The following ZNF730 variants were observed in gnomAD, a reference collection of about 807,000 sequenced individuals.
ZNF730 encodes putative zinc finger protein 730.
A neutral mutation model predicts 12.6 loss-of-function variants in ZNF730; 12 were observed. The observed-to-expected ratio is 0.95, with a 90% CI of 0.61 to 1.54. ZNF730 has a LOEUF of 1.54. ZNF730 is among the 40% of genes most tolerant of loss of function. The pLI, the probability that ZNF730 is intolerant of heterozygous loss-of-function variation, is 0.00. For synonymous variants in ZNF730, 194 were observed against 195.8 expected (o/e 0.99, Z 0.08); for missense variants, 643 against 583.5 (o/e 1.10, Z -1.05).
intron 1 of ZNF730, among the ~76,000 whole-genome samples, chr19:23,083,504 TC>T (rs1970003082): frequency 1.3e-5 from 2 of 152,096 alleles, no homozygotes; most frequent in Admixed American, 1.3e-4. Flanking sequence ...TCGAGGAACC[TC>T]CATACTATTT....
At chr19:23,145,216 A>T in intron 3 of ZNF730, 55 bp from the exon 4 acceptor site, 1 of 1,244,360 alleles carries the variant, frequency 8.0e-7, no homozygotes, top group Non-Finnish European at 1.1e-6. Flanking sequence ...GGTTAGGTTT[A>T]TAAACTATAC....
chr19:23,096,461 C>G (rs537128469), intron 1 of ZNF730, among the ~76,000 whole-genome samples: 1 of 152,148 alleles, frequency 6.6e-6, no homozygotes, highest in African/African-American at 2.4e-5. Context: ...GTGTGACACT[C>G]CTCTTCTGCC....
At chr19:23,124,998 C>G (rs963089157) in intron 1 of ZNF730, among the ~76,000 whole-genome samples, 1 of 152,024 alleles carries the variant, frequency 6.6e-6, no homozygotes, top group Non-Finnish European at 1.5e-5. Flanking sequence ...GGAGGTGTTT[C>G]CTGCACTGTT....
At chr19:23,138,877 G>A (rs1057280956) in intron 3 of ZNF730, among the ~76,000 whole-genome samples, 5 of 151,838 alleles carry the variant, frequency 3.3e-5, no homozygotes, top group Non-Finnish European at 5.9e-5. Context: ...TCTCATAAAG[G>A]CATTTTTTTT....
rs373418645 is a variant in ZNF730, at chr19:23,140,567, C to T, written c.226+4524C>T. Among the ~76,000 whole-genome samples, 35 of 137,832 alleles carry T rather than the reference C, an allele frequency of 2.5e-4. 1 individual carries two copies. The highest frequency in any genetic ancestry group is 5.4e-3 in the Middle Eastern group (1 of 186). 90.4% of individuals were successfully genotyped at this position (137,832 alleles called of 152,430 possible). A position where few individuals can be genotyped will look rare whatever the true frequency, so the allele number is the denominator to read the frequency against. On this transcript the variant is annotated intron_variant, in intron 3 of 3. Transcript: ENST00000597761. ...CAGAGGTTGCAGTGAGCCAAAGTAG[C>T]GCCACTGCACTCCAGCCTGGGCAAA...
At chr19:23,088,310 C>T (rs1044261380) in intron 1 of ZNF730, among the ~76,000 whole-genome samples, 4 of 151,436 alleles carry the variant, frequency 2.6e-5, no homozygotes, top group African/African-American at 9.7e-5. Context: ...GTGAGCCACG[C>T]ACCCAGCCTA....
In ZNF730 at chr19:23,101,750, AGTAGAGACGGG is replaced by A. The variant is rs148331436; in HGVS notation, c.-94+26366_-94+26376del. Among the ~76,000 whole-genome samples, 1,111 of 152,250 alleles carry A rather than the reference AGTAGAGACGGG, an allele frequency of 7.3e-3. 13 individuals carry two copies. The highest frequency in any genetic ancestry group is 0.026 in the African/African-American group (1,063 of 41,562). Reference sequence around the variant, plus strand: ...ACACCCAACTAGTTTTTGTATTTTTAGTAGAGACGGGGTTTCACCATGTTGGTCAGGCTGGT... The same window carrying A: ...ACACCCAACTAGTTTTTGTATTTTTAGTTTCACCATGTTGGTCAGGCTGGT... On this transcript the variant is annotated intron_variant, in intron 1 of 2. Coordinates refer to the ZNF730 transcript ENST00000593635.
intron 1 of ZNF730, among the ~76,000 whole-genome samples, chr19:23,101,256 CTG>C (rs545623422): frequency 6.2e-5 from 8 of 128,174 alleles, no homozygotes; most frequent in African/African-American, 1.2e-4. Flanking sequence ...GACACAGAGA[CTG>C]TGAAAAGTTG....
rs762749072 is a variant in ZNF730 at position 23,134,189 on chromosome 19, G to A, written c.113G>A (p.Arg38Lys). ...LYRNVMLDNY[R>K]NLVFLGIAVS... is the part of the protein sequence containing the mutation. ...AGAAATGTAATGTTAGATAACTACA[G>A]AAACCTGGTCTTCCTGGGTGAGGAT... The change falls in exon 2 of 4, where the codon AGA becomes AAA. Residue 38 changes from arginine to lysine, a missense_variant. Coordinates refer to ENST00000597761, the MANE Select transcript of ZNF730 (RefSeq NM_001277403.2). 1.2e-6 allele frequency: 2 copies of A among 1,609,712 alleles called. No homozygotes were observed. Among genetic ancestry groups the A allele is most frequent in the Non-Finnish European group, 1.7e-6 (2 of 1,178,094 alleles).
intron 1 of ZNF730, chr19:23,125,933 G>C (rs1970659539): frequency 6.6e-6 from 1 of 152,362 alleles, no homozygotes; most frequent in Non-Finnish European, 1.5e-5. Context: ...CACTGTTATT[G>C]CTGTTTATTT....
At chr19:23,088,641 T>G (rs1970106703) in intron 1 of ZNF730, among the ~76,000 whole-genome samples, 1 of 151,206 alleles carries the variant, frequency 6.6e-6, no homozygotes, top group African/African-American at 2.4e-5. Context: ...TTTTTTGTAT[T>G]TTTAGTAGAG....
chr19:23,126,708 A>G (rs905469578), intron 1 of ZNF730: 5 of 472,708 alleles, frequency 1.1e-5, no homozygotes, highest in African/African-American at 2.1e-5. Flanking sequence ...CTTAAAATCT[A>G]TAAGTTCTTG....
chr19:23,105,497 G>A (rs1223750924), intron 1 of ZNF730, among the ~76,000 whole-genome samples: 1 of 152,066 alleles, frequency 6.6e-6, no homozygotes, highest in Non-Finnish European at 1.5e-5. Flanking sequence ...AAAAGGAAAA[G>A]AAAAAGCATA....
rs1970133129 is a variant in ZNF730, at chr19:23,090,218, C to G, written c.-94+14831C>G. On this transcript the variant is annotated intron_variant, in intron 1 of 2. Transcript: ENST00000593635. Reference sequence around the variant, plus strand: ...CCAAGATTGTACCACTGTACTCTAGCCTGGCAACAAAATGAGACTCCATCT... The same window carrying G: ...CCAAGATTGTACCACTGTACTCTAGGCTGGCAACAAAATGAGACTCCATCT... Among the ~76,000 whole-genome samples the G allele has an allele frequency of 2.0e-5, 3 of 151,522 alleles. No individual in the cohort carries two copies. In the South Asian group the frequency reaches 6.2e-4, roughly 32 times the overall value.
intron 1 of ZNF730, among the ~76,000 whole-genome samples, chr19:23,102,121 G>A (rs1022002852): frequency 4.6e-5 from 7 of 152,282 alleles, no homozygotes; most frequent in East Asian, 1.9e-4. Context: ...ATGTGACTCC[G>A]TTTTTGCCTG....
At chr19:23,131,795 A>G (rs1970745983) in intron 1 of ZNF730, among the ~76,000 whole-genome samples, 1 of 152,208 alleles carries the variant, frequency 6.6e-6, no homozygotes, top group South Asian at 2.1e-4. Context: ...CAAAATTACC[A>G]AGTGATTTAT....
At chr19:23,131,874 T>C (rs924041758) in intron 1 of ZNF730, among the ~76,000 whole-genome samples, 3 of 152,104 alleles carry the variant, frequency 2.0e-5, no homozygotes, top group African/African-American at 7.2e-5. Flanking sequence ...ATTAGAATCA[T>C]GTGACTCTAA....
At chr19:23,127,473 G>T in intron 1 of ZNF730, 1 of 1,087,238 alleles carries the variant, frequency 9.2e-7, no homozygotes, top group Non-Finnish European at 1.4e-6. Context: ...CCAAGCTTCT[G>T]TACTTTTTCC....
At chr19:23,075,839 A>G (rs1188005530) in intron 1 of ZNF730, among the ~76,000 whole-genome samples, 1 of 152,120 alleles carries the variant, frequency 6.6e-6, no homozygotes, top group Admixed American at 6.6e-5. Context: ...CCCAGGGTCA[A>G]GCCTCCCAAA....
Sources: gnomAD v4.1 joint callset for allele counts (sites outside exome capture counted in the v4.1 genomes callset) on GRCh38, gnomAD v4.1.1 for gene constraint, MANE v1.5 for transcripts, NCBI Gene and HGNC (gene_info 2026-07-23, HGNC 2026-07-21) for gene names.